Variants in RABGAP1L observed in about 807,000 individuals in gnomAD.
The protein encoded by RABGAP1L is RAB GTPase activating protein 1 like, also known as rab GTPase-activating protein 1-like.
In RABGAP1L, 63 loss-of-function variants were observed where a neutral mutation model predicts 137.7. The ratio of observed to expected loss-of-function variants is 0.46; its 90% CI spans 0.37 to 0.56. The LOEUF (loss-of-function observed/expected upper bound fraction) is 0.56, where lower values mean the gene tolerates loss of function less well. Ranked by LOEUF, RABGAP1L falls within the 20% of genes least tolerant of loss-of-function variation. The probability of loss-of-function intolerance (pLI) is 0.00; values close to 1 mark genes in which losing one functional copy is unlikely to be tolerated. For missense variants in RABGAP1L, 1,095 were observed against 1,244.0 expected (o/e 0.88, Z 1.80); for synonymous variants, 431 against 433.7 (o/e 0.99, Z 0.08).
chr1:174,180,162 A>G (rs751985802), intron 1 of RABGAP1L, among the ~76,000 whole-genome samples: 1 of 152,214 alleles, frequency 6.6e-6, no homozygotes, highest in Non-Finnish European at 1.5e-5. Flanking sequence ...ATTCAGATCT[A>G]TAAACAACAA....
intron 14 of RABGAP1L, among the ~76,000 whole-genome samples, chr1:174,681,218 A>T (rs754502669): frequency 3.3e-5 from 5 of 152,336 alleles, no homozygotes; most frequent in African/African-American, 1.2e-4. Flanking sequence ...ATTCCTAGGT[A>T]TTTATTCAAG....
intron 13 of RABGAP1L, among the ~76,000 whole-genome samples, chr1:174,400,026 C>T (rs1648368931): frequency 6.6e-6 from 1 of 152,102 alleles, no homozygotes; most frequent in South Asian, 2.1e-4. Context: ...TAGGAATGTA[C>T]TGGTTTAGAA....
intron 7 of RABGAP1L, among the ~76,000 whole-genome samples, chr1:174,270,813 A>G (rs1264255519): frequency 6.6e-6 from 1 of 152,142 alleles, no homozygotes; most frequent in East Asian, 1.9e-4. Context: ...TAAACCCTAT[A>G]ATATAGAACA....
chr1:174,833,134 A>G (rs1370904438), intron 19 of RABGAP1L, among the ~76,000 whole-genome samples: 35 of 151,870 alleles, frequency 2.3e-4, no homozygotes, highest in Admixed American at 2.3e-3. Context: ...TTTACTACAT[A>G]TTTTCTGAAG....
intron 15 of RABGAP1L, among the ~76,000 whole-genome samples, chr1:174,698,819 A>G (rs1679442977): frequency 6.6e-6 from 1 of 152,030 alleles, no homozygotes; most frequent in African/African-American, 2.4e-5. Context: ...TTAAAAATGT[A>G]ATTATTTTAT....
At chr1:174,252,444 A>G in intron 6 of RABGAP1L, 36 bp from the exon 7 acceptor site, 1 of 1,589,238 alleles carries the variant, frequency 6.3e-7, no homozygotes, top group Non-Finnish European at 8.5e-7. Context: ...ATTTTATTAG[A>G]TTATTGGTAA....
intron 19 of RABGAP1L, among the ~76,000 whole-genome samples, chr1:174,891,158 G>A (rs1656075839): frequency 6.6e-6 from 1 of 152,170 alleles, no homozygotes; most frequent in Non-Finnish European, 1.5e-5. Context: ...AGAAAAAATA[G>A]GAATTTATCA....
chr1:174,243,856 T>C (rs1392212776), intron 5 of RABGAP1L, among the ~76,000 whole-genome samples: 2 of 152,248 alleles, frequency 1.3e-5, no homozygotes, highest in Non-Finnish European at 2.9e-5. Flanking sequence ...AGTTGAAGTC[T>C]TTGACTTTGA....
At chr1:174,771,052 A>G (rs1686074677) in intron 18 of RABGAP1L, among the ~76,000 whole-genome samples, 1 of 152,236 alleles carries the variant, frequency 6.6e-6, no homozygotes, top group Non-Finnish European at 1.5e-5. Flanking sequence ...CATTTTCCAA[A>G]GGTGGCATCT....
intron 11 of RABGAP1L, among the ~76,000 whole-genome samples, chr1:174,342,608 T>C (rs1418989020): frequency 1.3e-5 from 2 of 152,184 alleles, no homozygotes; most frequent in Non-Finnish European, 2.9e-5. Flanking sequence ...AATTTCTGTT[T>C]TTTCTTTTTT....
At chr1:174,606,499 T>A (rs1333755010) in intron 13 of RABGAP1L, among the ~76,000 whole-genome samples, 2 of 152,228 alleles carry the variant, frequency 1.3e-5, no homozygotes, top group Non-Finnish European at 2.9e-5. Flanking sequence ...GAACATTTTT[T>A]AAGACGTTAA....
At chr1:174,921,021 C>T (rs1467148968) in intron 19 of RABGAP1L, among the ~76,000 whole-genome samples, 1 of 152,188 alleles carries the variant, frequency 6.6e-6, no homozygotes, top group Non-Finnish European at 1.5e-5. Context: ...CTCCCGGGTT[C>T]AAGCAATTCT....
intron 7 of RABGAP1L, among the ~76,000 whole-genome samples, chr1:174,259,528 T>C (rs1673401813): frequency 6.6e-6 from 1 of 152,246 alleles, no homozygotes; most frequent in South Asian, 2.1e-4. Context: ...CAATAAAAAG[T>C]ATATAAAAGT....
intron 13 of RABGAP1L, among the ~76,000 whole-genome samples, chr1:174,520,021 G>C (rs1411072277): frequency 2.0e-5 from 3 of 152,134 alleles, no homozygotes; most frequent in African/African-American, 7.2e-5. Flanking sequence ...CATCAGGCCT[G>C]GCACCAGCGA....
intron 14 of RABGAP1L, among the ~76,000 whole-genome samples, chr1:174,655,786 A>C (rs909212629): frequency 6.6e-6 from 1 of 152,104 alleles, no homozygotes; most frequent in African/African-American, 2.4e-5. Context: ...TTGGTGTTCA[A>C]ATTGTCCCCA....
intron 13 of RABGAP1L, among the ~76,000 whole-genome samples, chr1:174,603,879 G>C (rs1302727188): frequency 1.3e-5 from 2 of 151,910 alleles, no homozygotes; most frequent in African/African-American, 2.4e-5. Context: ...TCAGGACACT[G>C]CTTGGTGCCC....
intron 11 of RABGAP1L, among the ~76,000 whole-genome samples, chr1:174,350,118 C>T (rs1205473577): frequency 7.7e-4 from 101 of 130,908 alleles, no homozygotes; most frequent in African/African-American, 1.2e-3. Flanking sequence ...CCGGACGGCA[C>T]GGCTGGCCGG....
chr1:174,251,092 C>T (rs1268404750), intron 6 of RABGAP1L, among the ~76,000 whole-genome samples: 2 of 152,150 alleles, frequency 1.3e-5, no homozygotes, highest in African/African-American at 2.4e-5. Context: ...TGAGCCACCG[C>T]GCTTGGTCAG....
At chr1:174,549,583 T>C (rs1666275145) in intron 13 of RABGAP1L, among the ~76,000 whole-genome samples, 1 of 152,154 alleles carries the variant, frequency 6.6e-6, no homozygotes, top group Admixed American at 6.5e-5. Flanking sequence ...CTGAGACTTT[T>C]AGTAATAGCT....
Sources: gnomAD v4.1 joint callset for allele counts (sites outside exome capture counted in the v4.1 genomes callset) on GRCh38, gnomAD v4.1.1 for gene constraint, MANE v1.5 for transcripts, NCBI Gene and HGNC (gene_info 2026-07-23, HGNC 2026-07-21) for gene names.